XPO1: variants seen among roughly 807,000 people sequenced by gnomAD.
XPO1 encodes the protein exportin 1.
A neutral mutation model predicts 133.3 loss-of-function variants in XPO1; 5 were observed. That is an observed-to-expected ratio of 0.04 (90% CI 0.02 to 0.08). The LOEUF (loss-of-function observed/expected upper bound fraction) is 0.08. XPO1 is among the 10% of genes least tolerant of loss of function. The pLI is 1.00. For missense variants in XPO1, 506 were observed against 1,267.5 expected (o/e 0.40, Z 9.12); for synonymous variants, 419 against 408.2 (o/e 1.03, Z -0.32).
At chr2:61,527,110 T>G (rs74729928) in intron 2 of XPO1, among the ~76,000 whole-genome samples, 2,775 of 152,230 alleles carry the variant, frequency 0.018, 83 homozygotes, top group African/African-American at 0.063. Context: ...GAACTGCATT[T>G]CAACCAAAGA....
chr2:61,487,930 C>G (rs1696777313), intron 19 of XPO1, among the ~76,000 whole-genome samples: 1 of 152,172 alleles, frequency 6.6e-6, no homozygotes, highest in East Asian at 1.9e-4. Flanking sequence ...ACCCAATTTT[C>G]TTAGCTATCT....
chr2:61,514,998 G>A (rs1477269927), intron 4 of XPO1, among the ~76,000 whole-genome samples: 3 of 149,716 alleles, frequency 2.0e-5, no homozygotes. Context: ...GAACCCGAGA[G>A]CCAGAGGTTG....
At chr2:61,488,109 T>C (rs545191086) in intron 19 of XPO1, 56 bp downstream of exon 19, 34 of 1,467,768 alleles carry the variant, frequency 2.3e-5, no homozygotes, top group Middle Eastern at 3.5e-4. Context: ...GTATAGCATA[T>C]TCCATAAAAC....
intron 4 of XPO1, among the ~76,000 whole-genome samples, chr2:61,517,844 G>C (rs182588618): frequency 1.6e-4 from 24 of 152,232 alleles, no homozygotes; most frequent in African/African-American, 5.1e-4. Context: ...TCAAGGCTGA[G>C]GCAAGAGGGC....
intron 1 of XPO1, among the ~76,000 whole-genome samples, 189 bp downstream of exon 1, chr2:61,537,373 T>A (rs904856794): frequency 6.7e-6 from 1 of 149,478 alleles, no homozygotes; most frequent in Admixed American, 6.7e-5. Context: ...CCCGCCTCCA[T>A]CCCCCAGCGG....
intron 20 of XPO1, 52 bp from the exon 21 acceptor site, chr2:61,484,157 A>C (rs985108612): frequency 6.0e-6 from 9 of 1,509,474 alleles, no homozygotes; most frequent in Non-Finnish European, 8.2e-6. Flanking sequence ...TTGTTGTGCT[A>C]GACAGGAGGG....
chr2:61,524,493 G>A (rs958455708), intron 3 of XPO1, among the ~76,000 whole-genome samples: 5 of 152,172 alleles, frequency 3.3e-5, no homozygotes, highest in African/African-American at 7.2e-5. Context: ...GGTTGAAGCA[G>A]GGAGCCCAAT....
At chr2:61,528,776 T>G (rs1471316672) in intron 2 of XPO1, among the ~76,000 whole-genome samples, 1 of 119,186 alleles carries the variant, frequency 8.4e-6, no homozygotes, top group African/African-American at 3.3e-5. Flanking sequence ...TATATATATA[T>G]ATATAGTTTT....
At chr2:61,518,998 T>TG (rs1344008303) in intron 4 of XPO1, among the ~76,000 whole-genome samples, 3 of 152,202 alleles carry the variant, frequency 2.0e-5, no homozygotes, top group Non-Finnish European at 2.9e-5. Context: ...CTCGCTCTGT[T>TG]GGAGTGCAAT....
intron 19 of XPO1, among the ~76,000 whole-genome samples, chr2:61,487,296 A>T (rs1304917784): frequency 6.6e-6 from 1 of 152,224 alleles, no homozygotes; most frequent in Non-Finnish European, 1.5e-5. Context: ...ACACGTGCTC[A>T]AGCTTCTTGT....
intron 4 of XPO1, among the ~76,000 whole-genome samples, chr2:61,517,530 G>A (rs373216630): frequency 6.6e-6 from 1 of 152,196 alleles, no homozygotes; most frequent in East Asian, 1.9e-4. Context: ...AGGCTGCAGT[G>A]TGCTATGATT....
chr2:61,498,562 G>A, intron 9 of XPO1, 111 bp downstream of exon 9: 11 of 1,383,932 alleles, frequency 7.9e-6, no homozygotes, highest in East Asian at 2.4e-5. Flanking sequence ...CAGCGTCCTC[G>A]TGTTAGAAAC....
chr2:61,486,813 A>G (rs1258451746), intron 19 of XPO1, among the ~76,000 whole-genome samples: 1 of 152,098 alleles, frequency 6.6e-6, no homozygotes, highest in East Asian at 1.9e-4. Flanking sequence ...ATGGATTTCT[A>G]TTATTTTTTT....
At chr2:61,513,840 G>A (rs1252007767) in intron 4 of XPO1, among the ~76,000 whole-genome samples, 3 of 152,060 alleles carry the variant, frequency 2.0e-5, no homozygotes, top group Non-Finnish European at 4.4e-5. Flanking sequence ...CTCCTGACTA[G>A]AATACAAAGA....
intron 4 of XPO1, among the ~76,000 whole-genome samples, chr2:61,514,361 G>A (rs1042410386): frequency 6.6e-6 from 1 of 152,030 alleles, no homozygotes; most frequent in Non-Finnish European, 1.5e-5. Flanking sequence ...GGGAGGCTGA[G>A]GTGGGCTGAT....
chr2:61,530,384 G>A (rs989665468), intron 2 of XPO1, among the ~76,000 whole-genome samples: 32 of 151,758 alleles, frequency 2.1e-4, no homozygotes, highest in African/African-American at 7.5e-4. Context: ...CCCAGCAGGG[G>A]TTTAAAAAAA....
intron 22 of XPO1, 115 bp from the exon 23 acceptor site, chr2:61,482,654 G>A: frequency 9.9e-7 from 1 of 1,013,196 alleles, no homozygotes; most frequent in Non-Finnish European, 1.4e-6. Context: ...CACCCAAGCT[G>A]GAATGCCGTG....
intron 3 of XPO1, chr2:61,525,757 G>A (rs1439588372): frequency 9.7e-7 from 1 of 1,030,410 alleles, no homozygotes; most frequent in Admixed American, 5.7e-5. Context: ...ACAAAGTCTG[G>A]TTTCAGAAAC....
chr2:61,494,257 T>G, intron 11 of XPO1, 166 bp from the exon 12 acceptor site: 1 of 606,846 alleles, frequency 1.6e-6, no homozygotes, highest in South Asian at 2.0e-5. Context: ...TAACTCTGCT[T>G]CTTCTGACAT....
Sources: allele counts gnomAD v4.1 joint callset (sites outside exome capture counted in the v4.1 genomes callset), GRCh38; gene constraint gnomAD v4.1.1; transcripts MANE v1.5; gene names NCBI Gene and HGNC (gene_info 2026-07-23, HGNC 2026-07-21).